The following ANO4 variants were observed in gnomAD, a reference collection of about 807,000 sequenced individuals.
ANO4 encodes the protein anoctamin 4.
Under a neutral mutation model 141.9 loss-of-function variants are expected in ANO4, and 69 were observed. The observed-to-expected ratio is 0.49, with a 90% CI of 0.40 to 0.59. The LOEUF (loss-of-function observed/expected upper bound fraction) is 0.59. Among genes scored for constraint, ANO4 ranks in the 20% least tolerant of loss-of-function variants. The pLI is 0.00. For synonymous variants in ANO4, 350 were observed against 394.3 expected (o/e 0.89, Z 1.33); for missense variants, 894 against 1,162.2 (o/e 0.77, Z 3.36).
At chr12:100,870,890 T>C (rs2038999716) in intron 1 of ANO4, among the ~76,000 whole-genome samples, 1 of 152,212 alleles carries the variant, frequency 6.6e-6, no homozygotes, top group Non-Finnish European at 1.5e-5. Context: ...TTCTTCACAG[T>C]GATATTTTTT....
chr12:100,966,464 C>A (rs1489013514), intron 5 of ANO4, among the ~76,000 whole-genome samples: 1 of 152,128 alleles, frequency 6.6e-6, no homozygotes, highest in Non-Finnish European at 1.5e-5. Context: ...ACCTCTGAGG[C>A]ACAGATGCCC....
rs184831999 is a variant in ANO4, at chr12:101,027,911, G to T, written c.841+7771G>T. ...GGGTTGTCAGATACCCTATACAGGA[G>T]TGATCCTACTGGCATCAGGTTGGAG... On this transcript the variant is annotated intron_variant, in intron 9 of 27. Coordinates refer to ENST00000392977, the MANE Select transcript of ANO4 (RefSeq NM_001286615.2). 3.3e-5 allele frequency among the ~76,000 whole-genome samples: 5 copies of T among 152,260 alleles called. No individual in the cohort carries two copies. In the East Asian group the frequency reaches 9.7e-4, roughly 30 times the overall value.
chr12:100,966,551 C>A (rs1245468862), intron 5 of ANO4, among the ~76,000 whole-genome samples: 1 of 152,134 alleles, frequency 6.6e-6, no homozygotes, highest in African/African-American at 2.4e-5. Flanking sequence ...GACACACTTG[C>A]TTTGTATCTC....
At chr12:100,871,920 C>T (rs1198767019) in intron 1 of ANO4, among the ~76,000 whole-genome samples, 1 of 152,140 alleles carries the variant, frequency 6.6e-6, no homozygotes, top group Middle Eastern at 3.2e-3. Flanking sequence ...TTTGGAGGGT[C>T]ATAAACATTT....
chr12:100,724,906 T>A (rs1247103851), intron 1 of ANO4, among the ~76,000 whole-genome samples: 1 of 152,224 alleles, frequency 6.6e-6, no homozygotes, highest in Admixed American at 6.5e-5. Context: ...CATACACAAG[T>A]GAACTACATT....
At chr12:101,040,976 T>C (rs2047390456) in intron 11 of ANO4, among the ~76,000 whole-genome samples, 1 of 152,176 alleles carries the variant, frequency 6.6e-6, no homozygotes, top group African/African-American at 2.4e-5. Flanking sequence ...TGTATGTGTG[T>C]GTAAATATAT....
chr12:100,996,065 T>A (rs1295174776), intron 8 of ANO4, among the ~76,000 whole-genome samples: 1 of 152,230 alleles, frequency 6.6e-6, no homozygotes, highest in Non-Finnish European at 1.5e-5. Context: ...AGTTTTGGCT[T>A]TAGTTCTGCT....
chr12:101,019,601 A>G lies in ANO4; in HGVS notation c.735-433A>G, dbSNP rs894621396. The stretch of plus-strand genomic sequence containing the variant: ...CCACAGCTCATTACCTAACTCCTAT[A>G]TCCACCACCCAAGCCAGTTTTATAT... On this transcript the variant is annotated intron_variant, in intron 8 of 27. Transcript: ENST00000392977. Among the ~76,000 whole-genome samples the G allele has an allele frequency of 3.3e-5, 5 of 152,134 alleles. No homozygotes were observed. In the East Asian group the frequency reaches 9.6e-4, roughly 29 times the overall value.
chr12:101,018,438 G>A (rs766514822), intron 8 of ANO4, among the ~76,000 whole-genome samples: 15 of 151,966 alleles, frequency 9.9e-5, no homozygotes, highest in Non-Finnish European at 1.8e-4. Context: ...AAAATACTTC[G>A]GTAAATCAGT....
At chr12:101,077,684 C>A (rs1306771400) in intron 14 of ANO4, among the ~76,000 whole-genome samples, 10 of 152,046 alleles carry the variant, frequency 6.6e-5, no homozygotes, top group Admixed American at 6.6e-4. Context: ...CTAATGTACT[C>A]AAATACATTA....
intron 18 of ANO4, 104 bp from the exon 19 acceptor site, chr12:101,096,432 C>T (rs2049984079): frequency 1.8e-5 from 16 of 869,084 alleles, no homozygotes; most frequent in Non-Finnish European, 2.8e-5. Flanking sequence ...GCAGCCTCCT[C>T]AGGACTCCTG....
intron 5 of ANO4, among the ~76,000 whole-genome samples, chr12:100,957,884 T>C (rs949265100): frequency 6.6e-6 from 1 of 152,256 alleles, no homozygotes; most frequent in African/African-American, 2.4e-5. Flanking sequence ...TATATATTTT[T>C]TTTAGTAGAG....
intron 15 of ANO4, among the ~76,000 whole-genome samples, chr12:101,080,054 G>A (rs187780968): frequency 6.6e-6 from 1 of 152,254 alleles, no homozygotes; most frequent in Admixed American, 6.5e-5. Flanking sequence ...CCCCTCCTGA[G>A]TCTCATTTCC....
At chr12:100,744,658 A>C in intron 3 of ANO4, among the ~76,000 whole-genome samples, 1 of 152,144 alleles carries the variant, frequency 6.6e-6, no homozygotes, top group Non-Finnish European at 1.5e-5. Flanking sequence ...GTTTTGGGTT[A>C]ACCCCCTCAT....
chr12:101,037,958 T>C (rs1005411161), intron 10 of ANO4, among the ~76,000 whole-genome samples: 16 of 152,228 alleles, frequency 1.1e-4, no homozygotes, highest in Admixed American at 5.2e-4. Context: ...AATTTGTCAA[T>C]AGACTTTGGA....
At chr12:100,917,990 A>G (rs1187034794) in intron 2 of ANO4, among the ~76,000 whole-genome samples, 3 of 152,210 alleles carry the variant, frequency 2.0e-5, no homozygotes, top group Non-Finnish European at 2.9e-5. Context: ...AATCTCCACA[A>G]TCCCACTCTT....
rs562409554 is a variant in ANO4, at chr12:101,118,537, C to T, written c.2570+1739C>T. Among the ~76,000 whole-genome samples, 115 of 152,134 alleles carry T rather than the reference C, an allele frequency of 7.6e-4. No individual in the cohort carries two copies. The Middle Eastern group carries it at 0.02, about 27-fold the overall frequency. ...CAGGTGAGGCACCCAGATCAGCTTG[C>T]GGGCTGAAAATATCTAAACATGTAG... On this transcript the variant is annotated intron_variant, in intron 25 of 27. Coordinates refer to ENST00000392977, the MANE Select transcript of ANO4 (RefSeq NM_001286615.2).
In ANO4 at chr12:101,066,755, C is replaced by T. The variant is rs537722642; in HGVS notation, c.1313-12438C>T. 7.7e-6 allele frequency: 7 copies of T among 910,926 alleles called. No individual in the cohort carries two copies. The South Asian group carries it at 9.1e-5, about 12-fold the overall frequency. The allele number at this position is 910,926 out of a possible 1,614,324, so 56.4% of individuals were successfully genotyped here. Reference sequence around the variant, plus strand: ...TGCCATGGCCACAGTTCCTGAGTTGCTGCAGCAGCAGGAGGAGGACCACAG... The same window carrying T: ...TGCCATGGCCACAGTTCCTGAGTTGTTGCAGCAGCAGGAGGAGGACCACAG... On this transcript the variant is annotated intron_variant, in intron 14 of 27. Transcript: ENST00000392977.
intron 3 of ANO4, among the ~76,000 whole-genome samples, chr12:100,746,586 C>T (rs921583322): frequency 1.2e-4 from 19 of 152,154 alleles, no homozygotes; most frequent in African/African-American, 4.6e-4. Flanking sequence ...GGACATTTGG[C>T]AATGTCTGCA....
Sources: allele counts gnomAD v4.1 joint callset (sites outside exome capture counted in the v4.1 genomes callset), GRCh38; gene constraint gnomAD v4.1.1; transcripts MANE v1.5; gene names NCBI Gene and HGNC (gene_info 2026-07-23, HGNC 2026-07-21).